NF1: variants seen among roughly 807,000 people sequenced by gnomAD.
The protein encoded by NF1 is neurofibromin 1, also known as neurofibromin.
Under a neutral mutation model 325.7 loss-of-function variants are expected in NF1, and 122 were observed. That is an observed-to-expected ratio of 0.37 (90% confidence interval 0.32 to 0.44). NF1 has a LOEUF of 0.44. Ranked by LOEUF, NF1 falls within the 20% of genes least tolerant of loss-of-function variation. NF1 has a pLI of 1.00. For synonymous variants in NF1, 1,091 were observed against 1,186.0 expected, an observed-to-expected ratio of 0.92 and a Z score of 1.65; for missense variants, 2,140 against 3,415.4, an observed-to-expected ratio of 0.63 and a Z score of 9.31.
intron 8 of NF1, among the ~76,000 whole-genome samples, chr17:31,189,549 G>A (rs1259392027): frequency 2.6e-5 from 4 of 151,952 alleles, no homozygotes; most frequent in African/African-American, 9.7e-5. Flanking sequence ...CGCCTCACTC[G>A]CAGCCCTTGG....
chr17:31,153,755 A>C (rs1917112734), intron 1 of NF1, among the ~76,000 whole-genome samples: 1 of 148,772 alleles, frequency 6.7e-6, no homozygotes, highest in Admixed American at 6.7e-5. Context: ...GATTACAGGC[A>C]CACACTACCA....
chr17:31,104,433 A>G (rs935490346), intron 1 of NF1, among the ~76,000 whole-genome samples: 4 of 152,196 alleles, frequency 2.6e-5, no homozygotes, highest in Admixed American at 2.6e-4. Flanking sequence ...ATAGAAGTGG[A>G]AGGGGAGATT....
intron 52 of NF1, 59 bp from the exon 53 acceptor site, chr17:31,356,901 T>C (rs2070283616): frequency 6.2e-7 from 1 of 1,604,042 alleles, no homozygotes; most frequent in Non-Finnish European, 8.5e-7. Context: ...AACATTGAAA[T>C]AGTTAGGTGA....
rs143672521 is a variant in NF1 at position 31,189,757 on chromosome 17, TA to T, written c.888+7093del. Among the ~76,000 whole-genome samples, 110 of 145,510 alleles carry T rather than the reference TA, an allele frequency of 7.6e-4. 3 individuals carry two copies. The South Asian group carries it at 0.019, about 25-fold the overall frequency. On this transcript the variant is annotated intron_variant, in intron 8 of 57. Coordinates refer to ENST00000358273, the MANE Select transcript of NF1 (RefSeq NM_001042492.3). The stretch of plus-strand genomic sequence containing the variant: ...AATCTTTCTGGATTAAAAAGAAAAG[TA>T]TTTTTTTTTTTTTTTTTTTTGAGAC...
chr17:31,175,383 T>C (rs1270975294), intron 5 of NF1, among the ~76,000 whole-genome samples: 4 of 136,810 alleles, frequency 2.9e-5, no homozygotes, highest in Non-Finnish European at 4.6e-5. Context: ...AGAGTCTTGC[T>C]CTGTCGCTCA....
chr17:31,304,487 G>A (rs1367928063), intron 36 of NF1: 5 of 1,614,196 alleles, frequency 3.1e-6, no homozygotes, highest in Non-Finnish European at 4.2e-6. Flanking sequence ...TCCAGAGATG[G>A]AGGGAGACTA....
rs1555536935 is a variant in NF1, at chr17:31,358,612, T to G, written c.8103T>G (p.Ser2701=). The change falls in exon 55 of 58, where the codon TCT becomes TCG. Residue 2701 remains serine (S), a synonymous_variant. Coordinates refer to ENST00000358273, the MANE Select transcript of NF1 (RefSeq NM_001042492.3). The part of the protein sequence containing the change: ...HEESPPQYQT[S]YLQSFGFNGL... ...AATCCCCACCACAATACCAAACATC[T>G]TACCTGCAAAGTAAATAAATGTATC... 1.9e-6 allele frequency: 3 copies of G among 1,614,052 alleles called. No homozygotes were observed. Among genetic ancestry groups the G allele is most frequent in the African/African-American group, 1.3e-5 (1 of 75,054 alleles).
At chr17:31,316,095 C>T (rs540831677) in intron 36 of NF1, among the ~76,000 whole-genome samples, 79 of 152,148 alleles carry the variant, frequency 5.2e-4, no homozygotes, top group South Asian at 4.2e-3. Flanking sequence ...AGATGAGGCT[C>T]TTACTTTGTT....
At chr17:31,104,834 C>T (rs1912702662) in intron 1 of NF1, among the ~76,000 whole-genome samples, 1 of 152,158 alleles carries the variant, frequency 6.6e-6, no homozygotes, top group South Asian at 2.1e-4. Context: ...ATCCATTTGA[C>T]CACTTCAAAT....
At chr17:31,245,723 C>T (rs1292492427) in intron 29 of NF1, among the ~76,000 whole-genome samples, 1 of 152,216 alleles carries the variant, frequency 6.6e-6, no homozygotes, top group African/African-American at 2.4e-5. Context: ...GCACTACCCT[C>T]CAGGCACCTC....
intron 1 of NF1, among the ~76,000 whole-genome samples, chr17:31,107,662 C>T (rs1053462259): frequency 3.9e-5 from 6 of 152,012 alleles, no homozygotes; most frequent in Non-Finnish European, 2.9e-5. Context: ...CCTAGATTCC[C>T]ACCCCCACCA....
intron 36 of NF1, among the ~76,000 whole-genome samples, chr17:31,265,806 G>T (rs1368784234): frequency 1.3e-5 from 2 of 152,144 alleles, no homozygotes; most frequent in Non-Finnish European, 2.9e-5. Context: ...AAATCTCTAT[G>T]AAGATGGTGC....
rs1057023383 is a variant in NF1 at position 31,377,047 on chromosome 17, T to C, written c.*2892T>C. 1 of 233,522 alleles carries C rather than the reference T, an allele frequency of 4.3e-6. No homozygotes were observed. The highest frequency in any genetic ancestry group is 2.2e-5 in the African/African-American group (1 of 45,290). 14.5% of individuals were successfully genotyped at this position (233,522 alleles called of 1,614,324 possible). A position where few individuals can be genotyped will look rare whatever the true frequency, so the allele number is the denominator to read the frequency against. ...TGTAGGTTTTAGGGGTTTTCAGTTT[T>C]GTTTGGGTTTTTTGTTTTTTGTTTT... On this transcript the variant is annotated 3_prime_UTR_variant, in exon 58 of 58. Coordinates refer to ENST00000358273, the MANE Select transcript of NF1 (RefSeq NM_001042492.3).
intron 30 of NF1, 194 bp from the exon 31 acceptor site, chr17:31,252,744 C>A: frequency 1.7e-6 from 1 of 581,494 alleles, no homozygotes; most frequent in Non-Finnish European, 3.1e-6. Context: ...TGTTTTAGTG[C>A]TTGGCTTAAA....
chr17:31,353,020 T>C (rs2070189915), intron 51 of NF1, among the ~76,000 whole-genome samples: 1 of 152,158 alleles, frequency 6.6e-6, no homozygotes, highest in African/African-American at 2.4e-5. Context: ...GCAATTCTCC[T>C]GCCTCATCCT....
intron 36 of NF1, among the ~76,000 whole-genome samples, chr17:31,311,509 G>T (rs28723516): frequency 6.6e-6 from 1 of 152,064 alleles, no homozygotes; most frequent in Non-Finnish European, 1.5e-5. Context: ...TTTTGAAACC[G>T]TAAAAGAAAA....
chr17:31,266,071 C>T (rs966542197), intron 36 of NF1, among the ~76,000 whole-genome samples: 5 of 152,176 alleles, frequency 3.3e-5, no homozygotes, highest in African/African-American at 1.2e-4. Context: ...GCCTTAGAGA[C>T]AACATGATAC....
rs2151434397 is a variant in NF1 at position 31,232,687 on chromosome 17, T to A, written c.3315-13T>A. The A allele has an allele frequency of 6.2e-7, 1 of 1,613,340 alleles. No homozygotes were observed. Among genetic ancestry groups the A allele is most frequent in the Non-Finnish European group, 8.5e-7 (1 of 1,179,602 alleles). On this transcript the variant is annotated splice_polypyrimidine_tract_variant and intron_variant, in intron 25 of 57. Transcript: ENST00000358273. The stretch of plus-strand genomic sequence containing the variant: ...GCCTTCACTATGTAAAGGTCAGTCT[T>A]TTTATTTCTCAGATACTTCACATTA...
At chr17:31,095,618 C>A (rs1219196585) in intron 1 of NF1, among the ~76,000 whole-genome samples, 4 of 152,152 alleles carry the variant, frequency 2.6e-5, no homozygotes, top group African/African-American at 9.7e-5. Context: ...TGTCCCTGAC[C>A]AGCCTCCGAC....
Sources: allele counts gnomAD v4.1 joint callset (sites outside exome capture counted in the v4.1 genomes callset), GRCh38; gene constraint gnomAD v4.1.1; transcripts MANE v1.5; gene names NCBI Gene and HGNC (gene_info 2026-07-23, HGNC 2026-07-21).